Variants in SLC6A6 observed in about 807,000 individuals in gnomAD.
SLC6A6 encodes solute carrier family 6 member 6.
A neutral mutation model predicts 68.8 loss-of-function variants in SLC6A6; 16 were observed. That is an observed-to-expected ratio of 0.23 (90% CI 0.16 to 0.35). The LOEUF (loss-of-function observed/expected upper bound fraction) is 0.35. SLC6A6 is among the 10% of genes least tolerant of loss of function. SLC6A6 has a pLI of 1.00. For synonymous variants in SLC6A6, 312 were observed against 315.4 expected (o/e 0.99, Z 0.12); for missense variants, 474 against 802.8 (o/e 0.59, Z 4.95).
chr3:14,414,181 C>T lies in SLC6A6; in HGVS notation c.-53-2231C>T, dbSNP rs549411472. Among the ~76,000 whole-genome samples, 14 of 152,298 alleles carry T rather than the reference C, an allele frequency of 9.2e-5. No individual in the cohort carries two copies. In the East Asian group the frequency reaches 2.5e-3, roughly 27 times the overall value. Reference sequence around the variant, plus strand: ...ATGCCTGCTTCATTCTCCATGGATGCCCTAGCTGCTCACCAGTGTAGTGCC... The same window carrying T: ...ATGCCTGCTTCATTCTCCATGGATGTCCTAGCTGCTCACCAGTGTAGTGCC... On this transcript the variant is annotated intron_variant, in intron 1 of 14. Coordinates refer to ENST00000622186, the MANE Select transcript of SLC6A6 (RefSeq NM_003043.6).
At chr3:14,414,681 A>G (rs1374235492) in intron 1 of SLC6A6, among the ~76,000 whole-genome samples, 1 of 152,106 alleles carries the variant, frequency 6.6e-6, no homozygotes, top group East Asian at 1.9e-4. Context: ...ATGTGCCACC[A>G]TACCCAGCTA....
intron 5 of SLC6A6, among the ~76,000 whole-genome samples, chr3:14,456,376 C>T (rs528100754): frequency 3.3e-5 from 5 of 152,294 alleles, no homozygotes; most frequent in South Asian, 4.1e-4. Context: ...TGTGAACTTG[C>T]TGTCCTCCCA....
At chr3:14,419,438 A>G (rs543823242) in intron 2 of SLC6A6, among the ~76,000 whole-genome samples, 1 of 152,236 alleles carries the variant, frequency 6.6e-6, no homozygotes, top group African/African-American at 2.4e-5. Flanking sequence ...GTTGTTCAGC[A>G]GAGCCTGAAC....
At chr3:14,403,222 A>G (rs1230571978) in intron 1 of SLC6A6, among the ~76,000 whole-genome samples, 1 of 151,742 alleles carries the variant, frequency 6.6e-6, no homozygotes, top group Non-Finnish European at 1.5e-5. Flanking sequence ...TGTCCCCAGC[A>G]GCGTGCACAT....
At chr3:14,454,600 T>C (rs1219117932) in intron 5 of SLC6A6, among the ~76,000 whole-genome samples, 1 of 152,208 alleles carries the variant, frequency 6.6e-6, no homozygotes. Flanking sequence ...TCAGGCTGTG[T>C]TGTGACAAAT....
chr3:14,478,403 T>G, intron 11 of SLC6A6, 63 bp from the exon 12 acceptor site: 1 of 963,498 alleles, frequency 1.0e-6, no homozygotes, highest in East Asian at 2.4e-5. Context: ...CAGAGCTCTT[T>G]GTATATGAAA....
intron 2 of SLC6A6, 96 bp from the exon 3 acceptor site, chr3:14,443,528 G>A (rs1700039247): frequency 2.3e-6 from 2 of 860,844 alleles, no homozygotes; most frequent in Admixed American, 2.2e-5. Context: ...CCGGGCAGGT[G>A]GGAGCCGGCT....
chr3:14,440,931 C>G (rs906842678), intron 2 of SLC6A6, among the ~76,000 whole-genome samples: 1 of 152,128 alleles, frequency 6.6e-6, no homozygotes, highest in African/African-American at 2.4e-5. Context: ...CTGTTGAAAA[C>G]CCCCACCCCC....
At chr3:14,430,949 C>T (rs1377705123) in intron 2 of SLC6A6, among the ~76,000 whole-genome samples, 3 of 152,170 alleles carry the variant, frequency 2.0e-5, no homozygotes, top group Admixed American at 1.3e-4. Context: ...TGGATGTGGA[C>T]GTGCCAAGAC....
At chr3:14,426,548 A>G (rs910238598) in intron 2 of SLC6A6, among the ~76,000 whole-genome samples, 1 of 152,250 alleles carries the variant, frequency 6.6e-6, no homozygotes, top group Admixed American at 6.5e-5. Flanking sequence ...ACTAATTAGG[A>G]GAAAAGTAAG....
chr3:14,457,437 A>T (rs1243077698), intron 5 of SLC6A6, among the ~76,000 whole-genome samples: 2 of 152,220 alleles, frequency 1.3e-5, no homozygotes, highest in East Asian at 3.8e-4. Flanking sequence ...CTTACATTTT[A>T]GTGAGAGATC....
chr3:14,443,499 CA>C, intron 2 of SLC6A6, 124 bp from the exon 3 acceptor site: 1 of 659,824 alleles, frequency 1.5e-6, no homozygotes, highest in South Asian at 1.8e-5. Flanking sequence ...ACAGGGATGC[CA>C]GGCCCCTTGC....
At chr3:14,436,531 C>CTTTTTTTTTTTTTTT (rs58996264) in intron 2 of SLC6A6, among the ~76,000 whole-genome samples, 4 of 112,458 alleles carry the variant, frequency 3.6e-5, no homozygotes, top group Non-Finnish European at 5.5e-5. Flanking sequence ...CAACAACTCC[C>CTTTTTTTTTTTTTTT]TTTTTTTTTT....
chr3:14,463,147 AC>A (rs981850682), intron 6 of SLC6A6, among the ~76,000 whole-genome samples: 13 of 152,274 alleles, frequency 8.5e-5, no homozygotes, highest in African/African-American at 2.6e-4. Flanking sequence ...AGGAACAATG[AC>A]ACACATCCCA....
intron 1 of SLC6A6, among the ~76,000 whole-genome samples, chr3:14,408,809 T>C (rs945294584): frequency 2.0e-5 from 3 of 151,628 alleles, no homozygotes; most frequent in Non-Finnish European, 4.4e-5. Flanking sequence ...TGTTTTTTTT[T>C]TGTTTGTTTG....
intron 7 of SLC6A6, 56 bp downstream of exon 7, chr3:14,466,706 A>G: frequency 1.3e-6 from 2 of 1,516,354 alleles, no homozygotes; most frequent in Non-Finnish European, 1.8e-6. Context: ...GGGCCGGCAC[A>G]GGACAGGGCA....
intron 6 of SLC6A6, among the ~76,000 whole-genome samples, chr3:14,462,165 G>A (rs1210280744): frequency 1.3e-5 from 2 of 152,234 alleles, no homozygotes; most frequent in Non-Finnish European, 2.9e-5. Context: ...GATCCCGGGG[G>A]AGCCACAGAA....
intron 2 of SLC6A6, among the ~76,000 whole-genome samples, chr3:14,419,101 GC>G (rs1246493435): frequency 6.6e-6 from 1 of 152,254 alleles, no homozygotes; most frequent in Non-Finnish European, 1.5e-5. Flanking sequence ...AACAGAGGTT[GC>G]CAATGTTCCT....
Position 14,468,494 on chromosome 3 carries a change from C to G in SLC6A6, c.1096+282C>G, listed in dbSNP as rs937031210. Among the ~76,000 whole-genome samples, 6 of 152,118 alleles carry G rather than the reference C, an allele frequency of 3.9e-5. No individual in the cohort carries two copies. The highest frequency in any genetic ancestry group is 1.4e-4 in the African/African-American group (6 of 41,402). On this transcript the variant is annotated intron_variant, in intron 9 of 14. Coordinates refer to ENST00000622186, the MANE Select transcript of SLC6A6 (RefSeq NM_003043.6). The surrounding 1 kb of genome is among the most constrained non-coding windows in gnomAD (Gnocchi z 4.5). ...CCTTAGTGTGGTCTTCCCCGCCCCC[C>G]CGTCCTTCCCCAGCAAACTCCTGGT... is the stretch of plus-strand genomic sequence containing the variant.
Sources: allele counts gnomAD v4.1 joint callset (sites outside exome capture counted in the v4.1 genomes callset), GRCh38; gene constraint gnomAD v4.1.1; non-coding constraint Gnocchi (gnomAD v3.1); transcripts MANE v1.5; gene names NCBI Gene and HGNC (gene_info 2026-07-23, HGNC 2026-07-21).